The following CSMD1 variants were observed in gnomAD, a reference collection of about 807,000 sequenced individuals.
CSMD1 encodes the protein CUB and sushi domain-containing protein 1.
A neutral mutation model predicts 417.5 loss-of-function variants in CSMD1; 213 were observed. That is an observed-to-expected ratio of 0.51 (90% CI 0.46 to 0.57). CSMD1 has a LOEUF of 0.57. Among genes scored for constraint, CSMD1 ranks in the 20% least tolerant of loss-of-function variants. CSMD1 has a pLI of 0.00. For synonymous variants in CSMD1, 2,862 were observed against 1,736.8 expected (o/e 1.65, Z -16.11); for missense variants, 6,923 against 4,529.7 (o/e 1.53, Z -15.17).
At chr8:3,320,318 C>G (rs1806069607) in intron 23 of CSMD1, among the ~76,000 whole-genome samples, 1 of 152,124 alleles carries the variant, frequency 6.6e-6, no homozygotes, top group African/African-American at 2.4e-5. Flanking sequence ...ACACCCTGCC[C>G]CTGCCTCGTG....
At chr8:3,726,217 C>T (rs976255487) in intron 6 of CSMD1, among the ~76,000 whole-genome samples, 40 of 152,138 alleles carry the variant, frequency 2.6e-4, no homozygotes, top group African/African-American at 8.7e-4. Context: ...GCAGCCCCAG[C>T]CAGCATTGAC....
intron 25 of CSMD1, among the ~76,000 whole-genome samples, chr8:3,298,295 C>T (rs60864607): frequency 0.087 from 13,200 of 152,228 alleles, 937 homozygotes; most frequent in African/African-American, 0.18. Context: ...ATATTAAAAG[C>T]AGCACAGTTT....
chr8:4,966,083 G>A (rs1189472621), intron 1 of CSMD1, among the ~76,000 whole-genome samples: 3 of 151,898 alleles, frequency 2.0e-5, no homozygotes, highest in South Asian at 4.1e-4. Flanking sequence ...AGAGTTCCAG[G>A]CCGGGTGTGA....
At chr8:4,025,050 T>C (rs556527301) in intron 4 of CSMD1, among the ~76,000 whole-genome samples, 1 of 152,104 alleles carries the variant, frequency 6.6e-6, no homozygotes, top group African/African-American at 2.4e-5. Flanking sequence ...CGGGACAACA[T>C]CAGACTAATA....
intron 16 of CSMD1, among the ~76,000 whole-genome samples, chr8:3,398,380 G>C (rs751132499): frequency 7.9e-5 from 12 of 152,072 alleles, no homozygotes; most frequent in Non-Finnish European, 1.5e-4. Flanking sequence ...CTAAGAGATT[G>C]TGCTATTGGG....
intron 3 of CSMD1, among the ~76,000 whole-genome samples, chr8:4,100,803 AAAAAGTT>A (rs1489575174): frequency 6.6e-6 from 1 of 152,242 alleles, no homozygotes; most frequent in African/African-American, 2.4e-5. Flanking sequence ...GCCAAAAAAT[AAAAAGTT>A]AAAAGTTAAA....
At chr8:3,150,116 C>G (rs1015041499) in intron 40 of CSMD1, among the ~76,000 whole-genome samples, 3 of 152,166 alleles carry the variant, frequency 2.0e-5, no homozygotes, top group Admixed American at 6.5e-5. Context: ...ATTCCCAGGT[C>G]TCCGTTTCAT....
At position 4,825,785 on chromosome 8, in the gene CSMD1, C is replaced by G. The variant is rs553275699; in HGVS notation, c.85+168547G>C. 6.5e-4 allele frequency among the ~76,000 whole-genome samples: 85 copies of G among 130,832 alleles called. No individual in the cohort carries two copies. In the East Asian group the frequency reaches 0.017, roughly 26 times the overall value. 85.8% of individuals were successfully genotyped at this position (130,832 alleles called of 152,430 possible). A position where few individuals can be genotyped will look rare whatever the true frequency, so the allele number is the denominator to read the frequency against. ...ACATGAAGCTTCTACAAATCAAATGCAAAAAAAAAAGAAAAAAAAAAGAAA... is the reference window on the plus strand; with the variant it reads ...ACATGAAGCTTCTACAAATCAAATGGAAAAAAAAAAGAAAAAAAAAAGAAA... On this transcript the variant is annotated intron_variant, in intron 1 of 69. Transcript: ENST00000635120.
intron 3 of CSMD1, among the ~76,000 whole-genome samples, chr8:4,039,896 C>T (rs1466328356): frequency 1.3e-5 from 2 of 152,116 alleles, no homozygotes; most frequent in Non-Finnish European, 2.9e-5. Flanking sequence ...ATCTTAGTTT[C>T]TACATCTTAG....
At chr8:3,586,727 T>C (rs1397620150) in intron 8 of CSMD1, among the ~76,000 whole-genome samples, 2 of 152,178 alleles carry the variant, frequency 1.3e-5, no homozygotes, top group Admixed American at 6.5e-5. Context: ...CACATGTTAA[T>C]TATATTTAAA....
chr8:4,097,822 C>T (rs1055933982), intron 3 of CSMD1, among the ~76,000 whole-genome samples: 1 of 152,130 alleles, frequency 6.6e-6, no homozygotes, highest in Admixed American at 6.5e-5. Context: ...GTTATGTTTG[C>T]CCTGTCTATT....
At chr8:3,923,190 T>C (rs547666026) in intron 5 of CSMD1, among the ~76,000 whole-genome samples, 6 of 152,228 alleles carry the variant, frequency 3.9e-5, no homozygotes, top group African/African-American at 1.2e-4. Flanking sequence ...AGTGCACTAA[T>C]GAGTGGCTGA....
chr8:3,967,482 T>C (rs1397874246), intron 5 of CSMD1, among the ~76,000 whole-genome samples: 2 of 151,090 alleles, frequency 1.3e-5, no homozygotes, highest in Non-Finnish European at 2.9e-5. Flanking sequence ...AGATGGAAAG[T>C]TGTTGAAATA....
chr8:3,438,628 T>G (rs554007232), intron 12 of CSMD1, among the ~76,000 whole-genome samples: 1 of 152,280 alleles, frequency 6.6e-6, no homozygotes, highest in South Asian at 2.1e-4. Flanking sequence ...ATGAATTAAT[T>G]TGTTTAACTG....
intron 12 of CSMD1, among the ~76,000 whole-genome samples, chr8:3,417,693 G>C (rs270088): frequency 0.22 from 33,818 of 152,132 alleles, 4,179 homozygotes; most frequent in Non-Finnish European, 0.29. Flanking sequence ...TTGTGCAACT[G>C]ACCACACTGT....
intron 8 of CSMD1, chr8:3,598,342 A>G (rs1801191351): frequency 6.6e-6 from 1 of 152,152 alleles, no homozygotes; most frequent in African/African-American, 2.4e-5. Context: ...GATGGCTGGT[A>G]TGTTTGCTTT....
chr8:4,727,011 G>A (rs949734437), intron 1 of CSMD1, among the ~76,000 whole-genome samples: 2 of 152,108 alleles, frequency 1.3e-5, no homozygotes, highest in African/African-American at 4.8e-5. Context: ...ATGTCATACT[G>A]GAATACCAGC....
chr8:4,816,684 G>A (rs988741347), intron 1 of CSMD1, among the ~76,000 whole-genome samples: 6 of 152,134 alleles, frequency 3.9e-5, no homozygotes, highest in Non-Finnish European at 8.8e-5. Flanking sequence ...TCAGAAAGCA[G>A]GACTTAAACT....
chr8:3,250,473 G>T (rs1375642548), intron 26 of CSMD1, among the ~76,000 whole-genome samples: 1 of 152,216 alleles, frequency 6.6e-6, no homozygotes, highest in African/African-American at 2.4e-5. Context: ...GGGCATTTGG[G>T]TTGGTTCCAA....
Sources: gnomAD v4.1 joint callset for allele counts (sites outside exome capture counted in the v4.1 genomes callset) on GRCh38, gnomAD v4.1.1 for gene constraint, MANE v1.5 for transcripts, NCBI Gene and HGNC (gene_info 2026-07-23, HGNC 2026-07-21) for gene names.